Variants in ZNF609 observed in about 807,000 individuals in gnomAD.
The protein encoded by ZNF609 is zinc finger protein 609.
In ZNF609, 11 loss-of-function variants were observed where a neutral mutation model predicts 109.5. The ratio of observed to expected loss-of-function variants is 0.10; its 90% confidence interval spans 0.06 to 0.17. The LOEUF (loss-of-function observed/expected upper bound fraction) is 0.17, where lower values mean the gene tolerates loss of function less well. ZNF609 is among the 10% of genes least tolerant of loss of function. The pLI, the probability that ZNF609 is intolerant of heterozygous loss-of-function variation, is 1.00. For synonymous variants in ZNF609, 646 were observed against 662.0 expected (o/e 0.98, Z 0.37); for missense variants, 1,559 against 1,772.4 (o/e 0.88, Z 2.16).
At chr15:64,579,675 A>T (rs945852613) in intron 2 of ZNF609, among the ~76,000 whole-genome samples, 2 of 150,400 alleles carry the variant, frequency 1.3e-5, no homozygotes, top group Non-Finnish European at 3.0e-5. Flanking sequence ...TTGCTACTGC[A>T]CTCCAGCCTG....
At chr15:64,530,486 A>G (rs573911367) in intron 2 of ZNF609, among the ~76,000 whole-genome samples, 41 of 152,328 alleles carry the variant, frequency 2.7e-4, no homozygotes, top group African/African-American at 9.6e-4. Context: ...TTGAACATAC[A>G]TTATTTGCTA....
intron 2 of ZNF609, among the ~76,000 whole-genome samples, chr15:64,618,604 C>T (rs544382113): frequency 6.6e-6 from 1 of 152,234 alleles, no homozygotes; most frequent in South Asian, 2.1e-4. Context: ...TAATGCTCAG[C>T]AGATTGGGGA....
intron 2 of ZNF609, among the ~76,000 whole-genome samples, chr15:64,504,948 C>T (rs1300863678): frequency 6.6e-6 from 1 of 152,146 alleles, no homozygotes; most frequent in Non-Finnish European, 1.5e-5. Flanking sequence ...TGTGTGCCAC[C>T]ACACCCAGCC....
intron 3 of ZNF609, among the ~76,000 whole-genome samples, chr15:64,668,926 T>A (rs1396202152): frequency 8.7e-6 from 1 of 115,512 alleles, no homozygotes; most frequent in Non-Finnish European, 1.6e-5. Context: ...CACTCCAGCC[T>A]GGGCAACAAG....
chr15:64,529,683 G>T (rs953908459), intron 2 of ZNF609: 20 of 720,540 alleles, frequency 2.8e-5, no homozygotes, highest in Non-Finnish European at 4.6e-5. Context: ...GTGTCTCAGG[G>T]ATGCAGCTGC....
chr15:64,535,822 G>A (rs1270414831), intron 2 of ZNF609, among the ~76,000 whole-genome samples: 4 of 152,086 alleles, frequency 2.6e-5, no homozygotes, highest in Non-Finnish European at 4.4e-5. Flanking sequence ...ATCCTGGCAG[G>A]TATGTAATGG....
At chr15:64,657,271 A>C (rs995384749) in intron 3 of ZNF609, among the ~76,000 whole-genome samples, 29 of 151,782 alleles carry the variant, frequency 1.9e-4, no homozygotes, top group Admixed American at 3.9e-4. Context: ...AAAAAAAAAA[A>C]AAATTATAAA....
intron 2 of ZNF609, among the ~76,000 whole-genome samples, chr15:64,590,144 C>T (rs1054840453): frequency 5.3e-5 from 8 of 152,108 alleles, no homozygotes; most frequent in African/African-American, 1.9e-4. Flanking sequence ...AATCTGAACT[C>T]CCAACCTGTA....
intron 4 of ZNF609, among the ~76,000 whole-genome samples, chr15:64,673,351 A>G (rs1896763446): frequency 6.6e-6 from 1 of 152,208 alleles, no homozygotes; most frequent in African/African-American, 2.4e-5. Context: ...CTCCATGAAA[A>G]GCTACTTTAG....
At chr15:64,473,559 C>G (rs949007243) in intron 1 of ZNF609, among the ~76,000 whole-genome samples, 2 of 151,802 alleles carry the variant, frequency 1.3e-5, no homozygotes, top group African/African-American at 4.8e-5. Flanking sequence ...AATTACGTAT[C>G]TAAGCATTCA....
intron 2 of ZNF609, among the ~76,000 whole-genome samples, chr15:64,612,658 G>GTTTA (rs1895736727): frequency 2.5e-5 from 3 of 121,082 alleles, no homozygotes; most frequent in Non-Finnish European, 3.5e-5. Context: ...ATTTATTTTT[G>GTTTA]TTTATTTATT....
At chr15:64,590,576 C>T (rs1895276215) in intron 2 of ZNF609, among the ~76,000 whole-genome samples, 2 of 151,974 alleles carry the variant, frequency 1.3e-5, no homozygotes, top group South Asian at 4.1e-4. Context: ...ACCTTGGCCT[C>T]CCAAAGTGCT....
At chr15:64,595,488 A>T (rs1895380665) in intron 2 of ZNF609, among the ~76,000 whole-genome samples, 1 of 152,228 alleles carries the variant, frequency 6.6e-6, no homozygotes, top group East Asian at 1.9e-4. Context: ...GCCCGAAGAC[A>T]TCATTTGAGC....
At chr15:64,503,400 C>T (rs908610318) in intron 2 of ZNF609, among the ~76,000 whole-genome samples, 1 of 152,126 alleles carries the variant, frequency 6.6e-6, no homozygotes, top group Admixed American at 6.5e-5. Flanking sequence ...TGTTCCCTTG[C>T]CTTTAGTTTG....
Position 64,664,968 on chromosome 15 carries a change from CCTATCT to C in ZNF609, c.974-5374_974-5369del, listed in dbSNP as rs1190813125. On this transcript the variant is annotated intron_variant, in intron 3 of 9. Transcript: ENST00000326648. Reference sequence around the variant, plus strand: ...CTCATCTGCCCTTATAAATGAGATGCCTATCTCTAAGTCTTACCTTCTCTATAAATG... The same window carrying C: ...CTCATCTGCCCTTATAAATGAGATGCCTAAGTCTTACCTTCTCTATAAATG... Among the ~76,000 whole-genome samples, 7 of 152,312 alleles carry C rather than the reference CCTATCT, an allele frequency of 4.6e-5. No individual in the cohort carries two copies. The South Asian group carries it at 6.2e-4, about 14-fold the overall frequency.
intron 3 of ZNF609, among the ~76,000 whole-genome samples, chr15:64,644,646 A>C (rs1896304740): frequency 6.6e-6 from 1 of 152,214 alleles, no homozygotes; most frequent in Non-Finnish European, 1.5e-5. Flanking sequence ...AAAACTTATA[A>C]AATGGTTTGG....
intron 1 of ZNF609, among the ~76,000 whole-genome samples, chr15:64,467,442 T>C (rs2140327785): frequency 6.6e-6 from 1 of 152,370 alleles, no homozygotes; most frequent in South Asian, 2.1e-4. Flanking sequence ...GAAGTATCAC[T>C]TTTCTGACCT....
At chr15:64,493,555 A>T (rs1007644919) in intron 1 of ZNF609, among the ~76,000 whole-genome samples, 2 of 152,224 alleles carry the variant, frequency 1.3e-5, no homozygotes, top group Admixed American at 6.5e-5. Flanking sequence ...CCATGTAGCA[A>T]GGAATTTCTT....
intron 2 of ZNF609, among the ~76,000 whole-genome samples, chr15:64,618,750 T>C (rs1595741168): frequency 6.6e-6 from 1 of 152,242 alleles, no homozygotes; most frequent in Non-Finnish European, 1.5e-5. Context: ...ACGTGTGCTC[T>C]TCTGCCGGCA....
Sources: allele counts gnomAD v4.1 joint callset (sites outside exome capture counted in the v4.1 genomes callset), GRCh38; gene constraint gnomAD v4.1.1; transcripts MANE v1.5; gene names NCBI Gene and HGNC (gene_info 2026-07-23, HGNC 2026-07-21).